LCMT1: variants seen among roughly 807,000 people sequenced by gnomAD.
The protein encoded by LCMT1 is leucine carboxyl methyltransferase 1.
LCMT1 carries 32 observed loss-of-function variants against 47.7 expected under a neutral mutation model. The observed-to-expected ratio is 0.67, with a 90% CI of 0.51 to 0.90. LCMT1 has a LOEUF of 0.90. LCMT1 is among the 40% of genes least tolerant of loss of function. LCMT1 has a pLI of 0.00. For synonymous variants in LCMT1, 152 were observed against 149.7 expected, an observed-to-expected ratio of 1.02 and a Z score of -0.11; for missense variants, 375 against 415.2, an observed-to-expected ratio of 0.90 and a Z score of 0.84.
At position 25,154,572 on chromosome 16, in the gene LCMT1, C is replaced by T. The variant is rs527664097; in HGVS notation, c.466+2957C>T. Among the ~76,000 whole-genome samples, 9 of 149,398 alleles carry T rather than the reference C, an allele frequency of 6.0e-5. No individual in the cohort carries two copies. The South Asian group carries it at 6.4e-4, about 11-fold the overall frequency. ...CGCGATCTCAGCTCACTGCAAGCTC[C>T]GCCTCCTGGGTTCATGCCATTCTCC... is the stretch of plus-strand genomic sequence containing the variant. On this transcript the variant is annotated intron_variant, in intron 5 of 10. Transcript: ENST00000399069.
At chr16:25,115,833 A>G (rs543201345) in intron 1 of LCMT1, among the ~76,000 whole-genome samples, 2 of 152,200 alleles carry the variant, frequency 1.3e-5, no homozygotes, top group African/African-American at 4.8e-5. Flanking sequence ...GCCTGCCACC[A>G]CACCCGGCTA....
chr16:25,158,797 C>G (rs1248124563), intron 5 of LCMT1: 1 of 152,166 alleles, frequency 6.6e-6, no homozygotes, highest in Admixed American at 6.5e-5. Context: ...CTTGAGTAGC[C>G]CCTGACTTAA....
intron 1 of LCMT1, among the ~76,000 whole-genome samples, chr16:25,114,025 C>T (rs781043215): frequency 6.6e-6 from 1 of 152,164 alleles, no homozygotes; most frequent in African/African-American, 2.4e-5. Context: ...GGATCTGACA[C>T]AAAGTGAAGC....
intron 6 of LCMT1, among the ~76,000 whole-genome samples, chr16:25,163,142 C>T (rs933254375): frequency 2.6e-5 from 4 of 152,194 alleles, no homozygotes; most frequent in Non-Finnish European, 5.9e-5. Flanking sequence ...AATTAACAGG[C>T]GTGAGCCATT....
intron 1 of LCMT1, chr16:25,126,227 C>A: frequency 8.7e-7 from 1 of 1,154,064 alleles, no homozygotes; most frequent in Non-Finnish European, 1.1e-6. Context: ...TACCACTGTG[C>A]ACCACTGTGA....
At chr16:25,120,414 T>C (rs1168951716) in intron 1 of LCMT1, among the ~76,000 whole-genome samples, 1 of 150,102 alleles carries the variant, frequency 6.7e-6, no homozygotes, top group Non-Finnish European at 1.5e-5. Context: ...GTTTTTGATT[T>C]CTTTTTTTTT....
At chr16:25,123,053 T>G (rs1339272642) in intron 1 of LCMT1, among the ~76,000 whole-genome samples, 1 of 152,142 alleles carries the variant, frequency 6.6e-6, no homozygotes, top group African/African-American at 2.4e-5. Flanking sequence ...TTAACGTATC[T>G]TTTAGCATTT....
intron 3 of LCMT1, among the ~76,000 whole-genome samples, chr16:25,134,707 TCTC>T: frequency 6.6e-6 from 1 of 152,286 alleles, no homozygotes; most frequent in African/African-American, 2.4e-5. Flanking sequence ...TTGAAGCAAT[TCTC>T]CTGTCTCAGC....
intron 3 of LCMT1, among the ~76,000 whole-genome samples, chr16:25,135,293 CTA>C (rs753534387): frequency 9.1e-5 from 12 of 131,786 alleles, no homozygotes; most frequent in East Asian, 3.2e-4. Flanking sequence ...AAATATATAT[CTA>C]TATATATATA....
intron 3 of LCMT1, among the ~76,000 whole-genome samples, chr16:25,134,969 G>A (rs180801034): frequency 2.6e-5 from 4 of 152,300 alleles, no homozygotes; most frequent in Admixed American, 2.6e-4. Context: ...AGTACAGTGT[G>A]AGAGAATGTG....
At chr16:25,131,174 GT>G (rs1243801651) in intron 2 of LCMT1, among the ~76,000 whole-genome samples, 1 of 152,232 alleles carries the variant, frequency 6.6e-6, no homozygotes, top group Non-Finnish European at 1.5e-5. Flanking sequence ...GATCCTGTAG[GT>G]GGGTTCTATA....
rs1225228024 is a variant in LCMT1 at position 25,174,940 on chromosome 16, A to T, written c.888A>T (p.Ile296=). 2 of 1,579,522 alleles carry T rather than the reference A, an allele frequency of 1.3e-6. No homozygotes were observed. Among genetic ancestry groups the T allele is most frequent in the Non-Finnish European group, 1.7e-6 (2 of 1,151,526 alleles). The part of the protein sequence containing the change: ...NRLPRAEVSR[I]ESLEFLDEME... ...TCTATTTTAATTCTTTCCACAGGAT[A>T]GAATCACTTGAATTCCTGGATGAAA... Residue 296 remains isoleucine, a synonymous_variant, in exon 10 of 11, where the codon ATA becomes ATT. Coordinates refer to ENST00000399069, the MANE Select transcript of LCMT1 (RefSeq NM_016309.3).
At chr16:25,157,697 C>T (rs1253316571) in intron 5 of LCMT1, among the ~76,000 whole-genome samples, 1 of 152,244 alleles carries the variant, frequency 6.6e-6, no homozygotes, top group Non-Finnish European at 1.5e-5. Flanking sequence ...ATCTATTTAG[C>T]TCACAATTCT....
At chr16:25,134,025 C>A (rs889725150) in intron 3 of LCMT1, among the ~76,000 whole-genome samples, 1 of 138,538 alleles carries the variant, frequency 7.2e-6, no homozygotes, top group African/African-American at 2.7e-5. Context: ...AGTGAGACTT[C>A]GTCTCTTAAA....
At chr16:25,117,045 T>C (rs1959812009) in intron 1 of LCMT1, among the ~76,000 whole-genome samples, 1 of 152,126 alleles carries the variant, frequency 6.6e-6, no homozygotes, top group South Asian at 2.1e-4. Context: ...AGAAAGCTGC[T>C]CAGGCAGTGA....
At chr16:25,126,083 A>C (rs766605016) in intron 1 of LCMT1, 1 of 1,351,712 alleles carries the variant, frequency 7.4e-7, no homozygotes, top group Non-Finnish European at 9.8e-7. Flanking sequence ...CCTAGGGCGC[A>C]TGGAAACCTG....
intron 6 of LCMT1, 125 bp from the exon 7 acceptor site, chr16:25,164,473 C>T (rs551008071): frequency 1.6e-5 from 17 of 1,079,852 alleles, no homozygotes; most frequent in South Asian, 2.9e-5. Flanking sequence ...TGGGGCTGTG[C>T]TTGCTCAGGC....
intron 5 of LCMT1, 28 bp from the exon 6 acceptor site, chr16:25,161,074 A>C: frequency 5.0e-6 from 7 of 1,400,048 alleles, no homozygotes; most frequent in Non-Finnish European, 6.0e-6. Flanking sequence ...ATATTCATTA[A>C]AATTATAGCC....
At chr16:25,177,169 G>A (rs1032676832) in intron 10 of LCMT1, among the ~76,000 whole-genome samples, 1 of 150,738 alleles carries the variant, frequency 6.6e-6, no homozygotes, top group East Asian at 2.0e-4. Context: ...AACAGAGCGC[G>A]ACTCTGTCTC....
Sources: gnomAD v4.1 joint callset for allele counts (sites outside exome capture counted in the v4.1 genomes callset) on GRCh38, gnomAD v4.1.1 for gene constraint, MANE v1.5 for transcripts, NCBI Gene and HGNC (gene_info 2026-07-23, HGNC 2026-07-21) for gene names.